The following ABTB3 variants were observed in gnomAD, a reference collection of about 807,000 sequenced individuals.
The protein encoded by ABTB3 is ankyrin repeat and BTB domain containing 3.
chr12:107,339,341 C>A, the ABTB3 span, among the ~76,000 whole-genome samples: 1 of 152,206 alleles, frequency 6.6e-6, no homozygotes, highest in Non-Finnish European at 1.5e-5. Context: ...TTCTGTGTTG[C>A]ACCGGATTCT....
At chr12:107,539,482 G>A in the ABTB3 span, among the ~76,000 whole-genome samples, 1 of 152,188 alleles carries the variant, frequency 6.6e-6, no homozygotes, top group Non-Finnish European at 1.5e-5. Context: ...AGAGAAAAAG[G>A]AAGCAGTAGC....
the ABTB3 span, among the ~76,000 whole-genome samples, chr12:107,500,519 T>C: frequency 6.6e-6 from 1 of 152,178 alleles, no homozygotes; most frequent in African/African-American, 2.4e-5. Context: ...GTTCAAGCCC[T>C]AGCTGACACG....
chr12:107,469,986 T>C, the ABTB3 span, among the ~76,000 whole-genome samples: 59 of 65,228 alleles, frequency 9.0e-4, 1 homozygote, highest in African/African-American at 2.9e-3. Context: ...CTTTCTTTCT[T>C]TCTTTCTTTC....
At chr12:107,361,744 C>G in the ABTB3 span, among the ~76,000 whole-genome samples, 1 of 152,144 alleles carries the variant, frequency 6.6e-6, no homozygotes, top group Non-Finnish European at 1.5e-5. Context: ...GCTTGTATTA[C>G]TAATACAGGC....
chr12:107,404,185 A>AAAAAAAC, the ABTB3 span, among the ~76,000 whole-genome samples: 1 of 150,856 alleles, frequency 6.6e-6, no homozygotes, highest in African/African-American at 2.4e-5. Flanking sequence ...AAAAAAAAAA[A>AAAAAAAC]AAGGAAAAGA....
the ABTB3 span, among the ~76,000 whole-genome samples, chr12:107,653,538 G>T: frequency 1.3e-5 from 2 of 151,166 alleles, no homozygotes; most frequent in African/African-American, 4.9e-5. Context: ...AAGAAAGAAA[G>T]AAAAGAAAAA....
chr12:107,389,074 G>T, the ABTB3 span, among the ~76,000 whole-genome samples: 1 of 152,176 alleles, frequency 6.6e-6, no homozygotes, highest in East Asian at 1.9e-4. Context: ...CTGCAGGTGA[G>T]TGTTAACCTG....
chr12:107,367,573 C>T, the ABTB3 span, among the ~76,000 whole-genome samples: 16 of 152,056 alleles, frequency 1.1e-4, no homozygotes, highest in Non-Finnish European at 1.5e-4. Flanking sequence ...GGCGCAGTTT[C>T]GGCTCACTGC....
At chr12:107,319,033 C>T in the ABTB3 span, 3 of 1,613,646 alleles carry the variant, frequency 1.9e-6, no homozygotes, top group Admixed American at 1.7e-5. Flanking sequence ...CGGTGCGCTC[C>T]TCCAACTTGT....
At chr12:107,644,971 A>ATTTTTTT in the ABTB3 span, among the ~76,000 whole-genome samples, 2 of 84,728 alleles carry the variant, frequency 2.4e-5, no homozygotes, top group African/African-American at 5.1e-5. Flanking sequence ...GTCAAAATTC[A>ATTTTTTT]CTTTTTTTTT....
the ABTB3 span, among the ~76,000 whole-genome samples, chr12:107,332,164 AC>A: frequency 6.6e-6 from 1 of 152,132 alleles, no homozygotes; most frequent in Non-Finnish European, 1.5e-5. Flanking sequence ...GTGTGATCTC[AC>A]GCTCCTGACC....
At chr12:107,606,134 G>T in the ABTB3 span, among the ~76,000 whole-genome samples, 6 of 152,144 alleles carry the variant, frequency 3.9e-5, no homozygotes, top group African/African-American at 1.4e-4. Context: ...GCAGGATGGG[G>T]GGTCAGGTCA....
chr12:107,446,182 G>A, the ABTB3 span, among the ~76,000 whole-genome samples: 5 of 152,072 alleles, frequency 3.3e-5, no homozygotes, highest in Non-Finnish European at 7.4e-5. Context: ...AGTAAACACG[G>A]CGCTGAGTGC....
chr12:107,512,106 G>T, the ABTB3 span, among the ~76,000 whole-genome samples: 1 of 152,068 alleles, frequency 6.6e-6, no homozygotes, highest in Non-Finnish European at 1.5e-5. Context: ...ACATAGTTCT[G>T]TTTACCCACC....
At chr12:107,468,903 G>A in the ABTB3 span, among the ~76,000 whole-genome samples, 6 of 152,066 alleles carry the variant, frequency 3.9e-5, no homozygotes, top group Non-Finnish European at 5.9e-5. Context: ...GCTCACATCC[G>A]GGTCACACAA....
At chr12:107,576,366 A>G in the ABTB3 span, among the ~76,000 whole-genome samples, 3 of 152,296 alleles carry the variant, frequency 2.0e-5, no homozygotes, top group Non-Finnish European at 4.4e-5. Context: ...CCCATTCTGG[A>G]GGCTGGAAGC....
chr12:107,412,113 C>T, the ABTB3 span, among the ~76,000 whole-genome samples: 2 of 152,286 alleles, frequency 1.3e-5, no homozygotes, highest in South Asian at 2.1e-4. Context: ...TAGGGTGGCC[C>T]TCTATTACTC....
chr12:107,608,917 TA>T, the ABTB3 span, among the ~76,000 whole-genome samples: 86 of 75,732 alleles, frequency 1.1e-3, 1 homozygote, highest in African/African-American at 2.6e-3. Flanking sequence ...TAAAATAAAA[TA>T]AAATAAAATA....
the ABTB3 span, chr12:107,658,036 G>T: frequency 1.1e-5 from 4 of 362,536 alleles, no homozygotes; most frequent in Admixed American, 4.0e-5. Flanking sequence ...GGTCACTCAG[G>T]TTCCAGGTTG....
Sources: allele counts gnomAD v4.1 joint callset (sites outside exome capture counted in the v4.1 genomes callset), GRCh38; gene constraint gnomAD v4.1.1; transcripts MANE v1.5; gene names NCBI Gene and HGNC (gene_info 2026-07-23, HGNC 2026-07-21).